FAM228B: variants seen among roughly 807,000 people sequenced by gnomAD.
FAM228B encodes the protein protein FAM228B.
FAM228B carries 38 observed loss-of-function variants against 42.6 expected under a neutral mutation model. The observed-to-expected ratio is 0.89, with a 90% confidence interval of 0.69 to 1.17. FAM228B has a LOEUF of 1.17. FAM228B is among the 50% of genes most tolerant of loss of function. FAM228B has a pLI of 0.00. For missense variants in FAM228B, 344 were observed against 367.3 expected, an observed-to-expected ratio of 0.94 and a Z score of 0.52; for synonymous variants, 109 against 122.3, an observed-to-expected ratio of 0.89 and a Z score of 0.72.
chr2:24,108,016 A>C (rs1166040855), intron 3 of FAM228B, among the ~76,000 whole-genome samples: 1 of 152,234 alleles, frequency 6.6e-6, no homozygotes, highest in African/African-American at 2.4e-5. Context: ...AATCAGATAG[A>C]TAGATCACTA....
chr2:24,128,889 A>G (rs145287738), intron 2 of FAM228B, among the ~76,000 whole-genome samples: 441 of 151,706 alleles, frequency 2.9e-3, no homozygotes, highest in African/African-American at 0.01. Context: ...ACCTCTCCAA[A>G]TACTCTACTC....
intron 3 of FAM228B, among the ~76,000 whole-genome samples, chr2:24,103,900 G>T (rs1573738890): frequency 6.6e-6 from 1 of 152,186 alleles, no homozygotes; most frequent in Non-Finnish European, 1.5e-5. Flanking sequence ...AATCTATGTG[G>T]AATGTCAAAT....
upstream of FAM228B, chr2:24,122,869 A>G: frequency 5.3e-6 from 1 of 189,930 alleles, no homozygotes; most frequent in Non-Finnish European, 1.1e-5. Flanking sequence ...CACTGAGAAA[A>G]ACTCTGTAAA....
chr2:24,151,428 C>G (rs1174022901), intron 7 of FAM228B, among the ~76,000 whole-genome samples: 2 of 150,994 alleles, frequency 1.3e-5, no homozygotes, highest in African/African-American at 4.9e-5. Flanking sequence ...GTAGCTGGGA[C>G]TACAGGCACC....
intron 2 of FAM228B, among the ~76,000 whole-genome samples, chr2:24,132,565 C>T (rs1025747641): frequency 7.0e-6 from 1 of 143,456 alleles, no homozygotes; most frequent in African/African-American, 2.6e-5. Context: ...ACTTCTTCCT[C>T]GTTTAGTCTT....
At chr2:24,166,054 A>AAAAATATATATATATATATATATATATAT (rs56146407) in intron 9 of FAM228B, 1 of 81,030 alleles carries the variant, frequency 1.2e-5, no homozygotes, top group Non-Finnish European at 2.4e-5. Flanking sequence ...AAAAAAAAAA[A>AAAAATATATATATATATATATATATATAT]ATATATATAT....
chr2:24,148,807 C>T (rs543628698), intron 7 of FAM228B, among the ~76,000 whole-genome samples: 58 of 152,238 alleles, frequency 3.8e-4, no homozygotes, highest in Non-Finnish European at 5.6e-4. Flanking sequence ...CTATCATATA[C>T]GAGGTCTTAT....
In FAM228B at chr2:24,128,700, C is replaced by CT. The variant is rs71397406; in HGVS notation, c.99+4250dup. Among the ~76,000 whole-genome samples, 467 of 148,688 alleles carry CT rather than the reference C, an allele frequency of 3.1e-3. 2 individuals are homozygous for CT. Among genetic ancestry groups the CT allele is most frequent in the African/African-American group, 0.01 (425 of 40,554 alleles). On this transcript the variant is annotated intron_variant, in intron 2 of 10. Transcript: ENST00000615575. ...ATATTTTTGATTTGCTATAAATACTCTTTTTTTTTTAAGTACAAGTGCACA... is the reference window on the plus strand; with the variant it reads ...ATATTTTTGATTTGCTATAAATACTCTTTTTTTTTTTAAGTACAAGTGCACA...
chr2:24,161,601 C>A lies in FAM228B; in HGVS notation c.782C>A (p.Thr261Lys). ...YLLESQEEEK[T>K]VIYKNKGSSF... ...TTGGAATCCCAGGAAGAAGAAAAAA[C>A]AGTTATTTACAAGTAAGTCTGTTCT... The change falls in exon 8 of 11, where the codon ACA becomes AAA. Residue 261 changes from threonine (T) to lysine (K), a missense_variant. Thr to Lys is a moderately conservative substitution (Grantham distance 78, BLOSUM62 -1). Coordinates refer to ENST00000615575, the MANE Select transcript of FAM228B (RefSeq NM_001145710.2). The A allele has an allele frequency of 6.5e-7, 1 of 1,529,548 alleles. No homozygotes were observed. The highest frequency in any genetic ancestry group is 8.9e-7 in the Non-Finnish European group (1 of 1,126,928). The allele number at this position is 1,529,548 out of a possible 1,614,324, so 94.7% of individuals were successfully genotyped here. A position where few individuals can be genotyped will look rare whatever the true frequency, so the allele number is the denominator to read the frequency against.
At chr2:24,149,055 G>A (rs7569890) in intron 7 of FAM228B, among the ~76,000 whole-genome samples, 130,524 of 152,258 alleles carry the variant, frequency 0.86, 57,419 homozygotes, top group South Asian at 0.95. Context: ...TAATAACAGG[G>A]TCTCATTCTT....
intron 3 of FAM228B, among the ~76,000 whole-genome samples, chr2:24,098,324 A>G (rs1297642699): frequency 6.6e-6 from 1 of 152,216 alleles, no homozygotes; most frequent in East Asian, 1.9e-4. Context: ...AAACCCTTCA[A>G]AAAAATCAAG....
chr2:24,149,354 C>A (rs1666970137), intron 7 of FAM228B, among the ~76,000 whole-genome samples: 1 of 152,220 alleles, frequency 6.6e-6, no homozygotes, highest in Admixed American at 6.5e-5. Flanking sequence ...AGTGTGCAAG[C>A]ATTCCCTTTT....
chr2:24,113,913 C>A (rs1665842277), intron 3 of FAM228B, among the ~76,000 whole-genome samples: 1 of 151,988 alleles, frequency 6.6e-6, no homozygotes, highest in Non-Finnish European at 1.5e-5. Context: ...CCAAAAGAAT[C>A]AAACTACTGA....
intron 1 of FAM228B, among the ~76,000 whole-genome samples, chr2:24,079,887 G>A (rs544828412): frequency 3.9e-5 from 6 of 152,270 alleles, no homozygotes; most frequent in Admixed American, 1.3e-4. Flanking sequence ...ATGACCTAGC[G>A]TCTCCTGTCA....
intron 2 of FAM228B, chr2:24,083,007 T>C (rs2150986517): frequency 6.2e-7 from 1 of 1,614,192 alleles, no homozygotes; most frequent in East Asian, 2.2e-5. Context: ...GTACTGAGCC[T>C]GGCCCCCACC....
At chr2:24,098,598 T>C (rs1665548159) in intron 3 of FAM228B, among the ~76,000 whole-genome samples, 1 of 152,206 alleles carries the variant, frequency 6.6e-6, no homozygotes, top group Admixed American at 6.5e-5. Flanking sequence ...GTTGAACCTC[T>C]GAATAGACCA....
In FAM228B at chr2:24,095,716, C is replaced by A. The variant is rs1665482793; in HGVS notation, c.-121+487C>A. The A allele has an allele frequency of 6.6e-6, 1 of 152,406 alleles. No individual in the cohort carries two copies. Among genetic ancestry groups the A allele is most frequent in the Admixed American group, 6.5e-5 (1 of 15,284 alleles). 9.4% of individuals were successfully genotyped at this position (152,406 alleles called of 1,614,324 possible). A position where few individuals can be genotyped will look rare whatever the true frequency, so the allele number is the denominator to read the frequency against. ...AAAGGCAGCAGACAACTTTTGCAGA[C>A]TTAAAGGTCCCTGTCTGACAGCTCT... is the stretch of plus-strand genomic sequence containing the variant. On this transcript the variant is annotated intron_variant, in intron 3 of 10. Coordinates refer to the FAM228B transcript ENST00000613899. The surrounding 1 kb of genome is among the most constrained non-coding windows in gnomAD (Gnocchi z 4.8).
intron 3 of FAM228B, among the ~76,000 whole-genome samples, chr2:24,118,087 TCTC>T (rs1470197588): frequency 6.6e-6 from 1 of 152,184 alleles, no homozygotes; most frequent in Non-Finnish European, 1.5e-5. Flanking sequence ...ATTTATCTGG[TCTC>T]CTCTGGGGAA....
At chr2:24,138,947 A>C (rs1323788998) in intron 4 of FAM228B, among the ~76,000 whole-genome samples, 11 of 133,982 alleles carry the variant, frequency 8.2e-5, no homozygotes, top group Non-Finnish European at 1.2e-4. Flanking sequence ...CTCTGTCTCA[A>C]AAAAAAAAAA....
Sources: allele counts gnomAD v4.1 joint callset (sites outside exome capture counted in the v4.1 genomes callset), GRCh38; gene constraint gnomAD v4.1.1; non-coding constraint Gnocchi (gnomAD v3.1); transcripts MANE v1.5; gene names NCBI Gene and HGNC (gene_info 2026-07-23, HGNC 2026-07-21).